The following BCL11B variants were observed in gnomAD, a reference collection of about 807,000 sequenced individuals.
BCL11B encodes BCL11 transcription factor B, also known as B-cell lymphoma/leukemia 11B.
In BCL11B, 8 loss-of-function variants were observed where a neutral mutation model predicts 49.9. That is an observed-to-expected ratio of 0.16 (90% confidence interval 0.09 to 0.29). BCL11B has a LOEUF of 0.29. Among genes scored for constraint, BCL11B ranks in the 10% least tolerant of loss-of-function variants. BCL11B has a pLI of 1.00. For synonymous variants in BCL11B, 739 were observed against 637.4 expected (o/e 1.16, Z -2.40); for missense variants, 1,006 against 1,351.0 (o/e 0.74, Z 4.00).
chr14:99,173,577 T>TTA lies in BCL11B; in HGVS notation c.*573_*574insTA. 6 of 179,952 alleles carry TTA rather than the reference T, an allele frequency of 3.3e-5. No homozygotes were observed. The highest frequency in any genetic ancestry group is 4.5e-5 in the Non-Finnish European group (4 of 88,110). 11.1% of individuals were successfully genotyped at this position (179,952 alleles called of 1,614,324 possible). ...ACCAAAAAAAAAATTAAAAAATAAT[T>TTA]AAAAAAAAAACTGCATGCCACTTTT... On this transcript the variant is annotated 3_prime_UTR_variant, in exon 4 of 4. Coordinates refer to ENST00000357195, the MANE Select transcript of BCL11B (RefSeq NM_138576.4).
intron 3 of BCL11B, among the ~76,000 whole-genome samples, chr14:99,189,854 C>T (rs958929869): frequency 2.0e-5 from 3 of 152,194 alleles, no homozygotes; most frequent in African/African-American, 7.2e-5. Context: ...CAAGATGACC[C>T]TTATCGGGGA....
At position 99,262,571 on chromosome 14, in the gene BCL11B, G is replaced by A. The variant is rs146808156; in HGVS notation, c.59-4732C>T. ...TCACAACCGCCATCATGATGTGTACGCATGTTTACAAGAAATGTTCAGCAT... is the reference window on the plus strand; with the variant it reads ...TCACAACCGCCATCATGATGTGTACACATGTTTACAAGAAATGTTCAGCAT... On this transcript the variant is annotated intron_variant, in intron 1 of 3. Coordinates refer to ENST00000357195, the MANE Select transcript of BCL11B (RefSeq NM_138576.4). The surrounding 1 kb of genome is among the most constrained non-coding windows in gnomAD (Gnocchi z 4.2). Among the ~76,000 whole-genome samples the A allele has an allele frequency of 3.3e-3, 497 of 152,266 alleles. 1 individual carries two copies. Among genetic ancestry groups the A allele is most frequent in the Non-Finnish European group, 5.4e-3 (370 of 68,024 alleles).
In BCL11B at chr14:99,174,802, G is replaced by A. The variant is rs778574887; in HGVS notation, c.2034C>T (p.Ser678=). ...LFPRKPAPLP[S]PGLNSAAKRI... ...GCTTGGCGGCGCTGTTGAGCCCGGG[G>A]CTGGGCAGCGGCGCGGGCTTGCGCG... Residue 678 remains serine, a synonymous_variant, in exon 4 of 4, where the codon AGC becomes AGT. Coordinates refer to ENST00000357195, the MANE Select transcript of BCL11B (RefSeq NM_138576.4). 84 of 1,428,860 alleles carry A rather than the reference G, an allele frequency of 5.9e-5. No individual in the cohort carries two copies. Among genetic ancestry groups the A allele is most frequent in the Non-Finnish European group, 7.6e-5 (83 of 1,092,132 alleles). 88.5% of individuals were successfully genotyped at this position (1,428,860 alleles called of 1,614,324 possible). A position where few individuals can be genotyped will look rare whatever the true frequency, so the allele number is the denominator to read the frequency against.
intron 3 of BCL11B, among the ~76,000 whole-genome samples, chr14:99,227,993 A>G (rs1888207403): frequency 6.6e-6 from 1 of 152,210 alleles, no homozygotes; most frequent in South Asian, 2.1e-4. Flanking sequence ...GGATGCTGCC[A>G]GCCCAGGGTG....
rs564453314 is a variant in BCL11B at position 99,242,590 on chromosome 14, C to A, written c.428-11033G>T. On this transcript the variant is annotated intron_variant, in intron 2 of 3. Coordinates refer to ENST00000357195, the MANE Select transcript of BCL11B (RefSeq NM_138576.4). This position sits in a 1 kb window ranked among gnomAD's most constrained non-coding sequence, Gnocchi z 4.4. The stretch of plus-strand genomic sequence containing the variant: ...GGCCCCCATGGGGAAAGGAGAGGAC[C>A]ACACTCTCCCACCCCTACCCCACAA... 1.3e-5 allele frequency among the ~76,000 whole-genome samples: 2 copies of A among 152,328 alleles called. No homozygotes were observed. The highest frequency in any genetic ancestry group is 4.1e-4 in the South Asian group (2 of 4,828).
chr14:99,266,279 C>G (rs952712159), intron 1 of BCL11B, among the ~76,000 whole-genome samples: 2 of 152,128 alleles, frequency 1.3e-5, no homozygotes, highest in African/African-American at 4.8e-5. Flanking sequence ...GTACACGACT[C>G]CCAAAAGCAG....
At position 99,173,282 on chromosome 14, in the gene BCL11B, T is replaced by C. The variant is rs1476063862; in HGVS notation, c.*869A>G. The C allele has an allele frequency of 8.9e-6, 2 of 224,062 alleles. No homozygotes were observed. The highest frequency in any genetic ancestry group is 2.2e-5 in the African/African-American group (1 of 44,726). The allele number at this position is 224,062 out of a possible 1,614,324, so 13.9% of individuals were successfully genotyped here. ...CCAACAGGATAGTATCTGCTGGTCATGCACAACCTCAGAATGCTGTCGGGC... is the reference window on the plus strand; with the variant it reads ...CCAACAGGATAGTATCTGCTGGTCACGCACAACCTCAGAATGCTGTCGGGC... On this transcript the variant is annotated 3_prime_UTR_variant, in exon 4 of 4. Transcript: ENST00000357195.
At chr14:99,227,262 A>AAT (rs1888185891) in intron 3 of BCL11B, among the ~76,000 whole-genome samples, 1 of 151,994 alleles carries the variant, frequency 6.6e-6, no homozygotes, top group East Asian at 1.9e-4. Context: ...TCGTGCATGG[A>AAT]CTCTAACTTC....
At chr14:99,249,153 GC>G (rs943744083) in intron 2 of BCL11B, among the ~76,000 whole-genome samples, 2 of 152,088 alleles carry the variant, frequency 1.3e-5, no homozygotes, top group African/African-American at 2.4e-5. Flanking sequence ...ATCACTCATT[GC>G]CCAGCCAGGA....
chr14:99,171,417 GTTTT>G lies in BCL11B; in HGVS notation c.*2730_*2733del, dbSNP rs768070518. On this transcript the variant is annotated 3_prime_UTR_variant, in exon 4 of 4. Transcript: ENST00000357195. ...ATATTATGGCAGCCTGTTTGTTTTT[GTTTT>G]TTTTTTCTTTTTATTTCCAAATTCA... 8 of 197,200 alleles carry G rather than the reference GTTTT, an allele frequency of 4.1e-5. No homozygotes were observed. The highest frequency in any genetic ancestry group is 7.2e-5 in the African/African-American group (3 of 41,716). The allele number at this position is 197,200 out of a possible 1,614,324, so 12.2% of individuals were successfully genotyped here.
Position 99,231,635 on chromosome 14 carries a change from G to A in BCL11B, c.428-78C>T. 7.0e-7 allele frequency: 1 copy of A among 1,419,426 alleles called. No homozygotes were observed. Among genetic ancestry groups the A allele is most frequent in the Non-Finnish European group, 9.6e-7 (1 of 1,038,918 alleles). The allele number at this position is 1,419,426 out of a possible 1,614,324, so 87.9% of individuals were successfully genotyped here. ...GGGGCACGGGGTGGGACGGGGCTCG[G>A]GGCGTGGGGCTCTGCTCAGGCCACC... is the stretch of plus-strand genomic sequence containing the variant. On this transcript the variant is annotated intron_variant, in intron 2 of 3. Transcript: ENST00000357195. The surrounding 1 kb of genome is among the most constrained non-coding windows in gnomAD (Gnocchi z 8.1).
At chr14:99,258,972 C>T (rs964917646) in intron 1 of BCL11B, among the ~76,000 whole-genome samples, 1 of 149,660 alleles carries the variant, frequency 6.7e-6, no homozygotes, top group Non-Finnish European at 1.5e-5. Flanking sequence ...AAAGCAGCAA[C>T]CTCCTCAAGG....
At chr14:99,222,690 G>A (rs1007533022) in intron 3 of BCL11B, among the ~76,000 whole-genome samples, 1 of 152,070 alleles carries the variant, frequency 6.6e-6, no homozygotes, top group African/African-American at 2.4e-5. Flanking sequence ...TTGTCAGCAG[G>A]CCCCTTCCCA....
At chr14:99,197,299 T>C (rs1440118551) in intron 3 of BCL11B, among the ~76,000 whole-genome samples, 1 of 152,140 alleles carries the variant, frequency 6.6e-6, no homozygotes, top group Non-Finnish European at 1.5e-5. Context: ...AGGGACCCAG[T>C]GTGTGCCAGA....
At chr14:99,185,230 A>G (rs1333868407) in intron 3 of BCL11B, among the ~76,000 whole-genome samples, 1 of 152,134 alleles carries the variant, frequency 6.6e-6, no homozygotes, top group Non-Finnish European at 1.5e-5. Flanking sequence ...TGAGGTCAGG[A>G]GTTGGAGACC....
intron 2 of BCL11B, among the ~76,000 whole-genome samples, chr14:99,249,007 G>A (rs1888925031): frequency 1.3e-5 from 2 of 152,148 alleles, no homozygotes; most frequent in African/African-American, 2.4e-5. Context: ...TGACGAGGTG[G>A]GGGCCAGCTC....
chr14:99,193,308 AT>A (rs1181358803), intron 3 of BCL11B, among the ~76,000 whole-genome samples: 1 of 152,242 alleles, frequency 6.6e-6, no homozygotes, highest in African/African-American at 2.4e-5. Context: ...TTAACATGTG[AT>A]TATAAAAAAA....
At chr14:99,260,912 C>T (rs1246328070) in intron 1 of BCL11B, among the ~76,000 whole-genome samples, 1 of 152,038 alleles carries the variant, frequency 6.6e-6, no homozygotes, top group Non-Finnish European at 1.5e-5. Flanking sequence ...GCTGGGATCT[C>T]CACGTCCCAG....
chr14:99,217,397 C>CATACAGACACACACACACACAG (rs779283357), intron 3 of BCL11B, among the ~76,000 whole-genome samples: 1 of 148,122 alleles, frequency 6.8e-6, no homozygotes, highest in East Asian at 2.0e-4. Context: ...CACACACACA[C>CATACAGACACACACACACACAG]ACACACACAC....
Sources: allele counts gnomAD v4.1 joint callset (sites outside exome capture counted in the v4.1 genomes callset), GRCh38; gene constraint gnomAD v4.1.1; non-coding constraint Gnocchi (gnomAD v3.1); transcripts MANE v1.5; gene names NCBI Gene and HGNC (gene_info 2026-07-23, HGNC 2026-07-21).